The following ARHGAP29 variants were observed in gnomAD, a reference collection of about 807,000 sequenced individuals.
The protein encoded by ARHGAP29 is rho GTPase-activating protein 29.
In ARHGAP29, 43 loss-of-function variants were observed where a neutral mutation model predicts 122.6. The observed-to-expected ratio is 0.35, with a 90% confidence interval of 0.27 to 0.45. The LOEUF (loss-of-function observed/expected upper bound fraction) is 0.45. ARHGAP29 is among the 20% of genes least tolerant of loss of function. The probability of loss-of-function intolerance (pLI) is 1.00; values close to 1 mark genes in which losing one functional copy is unlikely to be tolerated. For synonymous variants in ARHGAP29, 506 were observed against 497.1 expected (o/e 1.02, Z -0.24); for missense variants, 1,303 against 1,477.2 (o/e 0.88, Z 1.93).
At chr1:94,313,396 T>C in the ARHGAP29 span, among the ~76,000 whole-genome samples, 1 of 152,192 alleles carries the variant, frequency 6.6e-6, no homozygotes, top group Admixed American at 6.5e-5. Context: ...TTGTTCCTAT[T>C]TGATATTAAC....
chr1:94,299,139 G>A, the ARHGAP29 span, among the ~76,000 whole-genome samples: 14 of 143,464 alleles, frequency 9.8e-5, no homozygotes, highest in Non-Finnish European at 1.8e-4. Context: ...CAGTATTAAT[G>A]TTGTTTTCTC....
intron 10 of ARHGAP29, 82 bp downstream of exon 10, chr1:94,202,836 G>T (rs1049134592): frequency 5.2e-5 from 80 of 1,536,486 alleles, no homozygotes; most frequent in Admixed American, 1.0e-4. Context: ...TTAGAAAAAT[G>T]AGAGCAAGGA....
chr1:94,187,634 G>A (rs987284837), intron 15 of ARHGAP29, among the ~76,000 whole-genome samples: 11 of 152,010 alleles, frequency 7.2e-5, no homozygotes, highest in Non-Finnish European at 2.9e-5. Context: ...TTTTTCCCAG[G>A]CAAGGCATTC....
intron 1 of ARHGAP29, among the ~76,000 whole-genome samples, chr1:94,258,939 G>A (rs1371523056): frequency 1.3e-5 from 2 of 152,152 alleles, no homozygotes; most frequent in African/African-American, 4.8e-5. Flanking sequence ...GAGAGATCAA[G>A]TTTTTCTTTC....
intron 3 of ARHGAP29, among the ~76,000 whole-genome samples, chr1:94,218,818 T>C (rs778430393): frequency 1.3e-5 from 2 of 152,172 alleles, no homozygotes; most frequent in African/African-American, 4.8e-5. Context: ...TTTCCTTAAG[T>C]ATATGAACTA....
At chr1:94,226,515 G>GCTC (rs1348360685) in intron 2 of ARHGAP29, among the ~76,000 whole-genome samples, 1 of 151,788 alleles carries the variant, frequency 6.6e-6, no homozygotes, top group African/African-American at 2.4e-5. Context: ...TAGAACTTGT[G>GCTC]CTCCTAATCA....
chr1:94,310,667 CTCA>C, the ARHGAP29 span, among the ~76,000 whole-genome samples: 1 of 152,154 alleles, frequency 6.6e-6, no homozygotes, highest in African/African-American at 2.4e-5. Flanking sequence ...TTTTTGCTAT[CTCA>C]CTTTCTTCGT....
chr1:94,284,192 C>T, the ARHGAP29 span, among the ~76,000 whole-genome samples: 1 of 151,830 alleles, frequency 6.6e-6, no homozygotes, highest in Non-Finnish European at 1.5e-5. Flanking sequence ...ATTTACTTTA[C>T]TGTTAAGTGT....
chr1:94,299,600 A>T, the ARHGAP29 span, among the ~76,000 whole-genome samples: 1 of 152,184 alleles, frequency 6.6e-6, no homozygotes, highest in Non-Finnish European at 1.5e-5. Context: ...GGGAACAGAA[A>T]TCTATTAAAT....
intron 8 of ARHGAP29, among the ~76,000 whole-genome samples, chr1:94,203,552 T>A (rs1003002408): frequency 2.6e-5 from 4 of 152,102 alleles, no homozygotes; most frequent in Non-Finnish European, 5.9e-5. Flanking sequence ...CTAGGCAACA[T>A]GGTGAAACCC....
Position 94,220,114 on chromosome 1 carries a change from A to C in ARHGAP29, c.340+144T>G. On this transcript the variant is annotated intron_variant, in intron 3 of 22. Transcript: ENST00000260526. ...AGGTGTGACTTAGTGGGAATATTTC[A>C]ATATCAAAGTATATATAACTCCTTA... The C allele has an allele frequency of 3.2e-6, 3 of 927,270 alleles. No individual in the cohort carries two copies. In the South Asian group the frequency reaches 5.0e-5, roughly 16 times the overall value. 57.4% of individuals were successfully genotyped at this position (927,270 alleles called of 1,614,324 possible). A position where few individuals can be genotyped will look rare whatever the true frequency, so the allele number is the denominator to read the frequency against.
chr1:94,247,545 C>T (rs6690762), intron 1 of ARHGAP29, among the ~76,000 whole-genome samples: 5 of 151,420 alleles, frequency 3.3e-5, no homozygotes, highest in African/African-American at 1.2e-4. Context: ...CCGAAGCGAG[C>T]GCCACCTCCT....
At chr1:94,302,774 A>T in the ARHGAP29 span, 2 of 302,124 alleles carry the variant, frequency 6.6e-6, no homozygotes, top group Admixed American at 4.5e-5. Flanking sequence ...TGGAGAAACC[A>T]GCCAAATATG....
At position 94,201,839 on chromosome 1, in the gene ARHGAP29, G is replaced by C. The variant is rs762371367; in HGVS notation, c.1162C>G (p.Leu388Val). 1.9e-6 allele frequency: 3 copies of C among 1,608,052 alleles called. No individual in the cohort carries two copies. The Admixed American group carries it at 5.1e-5, about 27-fold the overall frequency. Residue 388 changes from leucine to valine, a missense_variant, in exon 12 of 23, where the codon CTT (leucine) becomes GTT (valine). Leu to Val is a conservative substitution (Grantham distance 32). Coordinates refer to ENST00000260526, the MANE Select transcript of ARHGAP29 (RefSeq NM_004815.4). ...ALQKVEEANE[L>V]YKVCVTNVEE... ...ACATTTGTCACACAAACTTTGTAAA[G>C]TTCATTTGCTTCTTCTACCTTCACA...
intron 1 of ARHGAP29, among the ~76,000 whole-genome samples, chr1:94,259,290 GA>G (rs2100711106): frequency 1.3e-5 from 2 of 152,278 alleles, no homozygotes; most frequent in South Asian, 4.1e-4. Context: ...ATCCATTTTA[GA>G]AATACAAGTA....
At chr1:94,243,697 A>G (rs189658380) in intron 1 of ARHGAP29, among the ~76,000 whole-genome samples, 295 of 152,208 alleles carry the variant, frequency 1.9e-3, no homozygotes, top group African/African-American at 6.4e-3. Flanking sequence ...ATAAGAACAG[A>G]AATCAGTGAT....
At position 94,214,822 on chromosome 1, in the gene ARHGAP29, A is replaced by G. The variant is rs1651857141; in HGVS notation, c.340+5436T>C. ...AGCTTTCATTCATACAACCTATTAG[A>G]GCAGCAACTTTCAAATGTTTTTGAC... On this transcript the variant is annotated intron_variant, in intron 3 of 22. Transcript: ENST00000260526. Among the ~76,000 whole-genome samples, 4 of 152,306 alleles carry G rather than the reference A, an allele frequency of 2.6e-5. No individual in the cohort carries two copies. The South Asian group carries it at 8.3e-4, about 32-fold the overall frequency.
rs533088617 is a variant in ARHGAP29 at position 94,244,151 on chromosome 1, T to C, written c.-32-12508A>G. Among the ~76,000 whole-genome samples, 1,284 of 150,966 alleles carry C rather than the reference T, an allele frequency of 8.5e-3. 2 individuals are homozygous for C. The highest frequency in any genetic ancestry group is 0.014 in the Non-Finnish European group (943 of 67,654). ...ACAGGAGACAAGAACACTTCCCAAC[T>C]CATTCTATGAGGCCAGCATTACCCT... On this transcript the variant is annotated intron_variant and NMD_transcript_variant, in intron 1 of 25. Transcript: ENST00000552844.
intron 3 of ARHGAP29, among the ~76,000 whole-genome samples, chr1:94,212,124 C>T (rs1651662220): frequency 6.6e-6 from 1 of 152,120 alleles, no homozygotes; most frequent in Admixed American, 6.5e-5. Context: ...ACTAAAAGTA[C>T]AAAAATTAGC....
Sources: gnomAD v4.1 joint callset for allele counts (sites outside exome capture counted in the v4.1 genomes callset) on GRCh38, gnomAD v4.1.1 for gene constraint, MANE v1.5 for transcripts, NCBI Gene and HGNC (gene_info 2026-07-23, HGNC 2026-07-21) for gene names.